The following KHDRBS2 variants were observed in gnomAD, a reference collection of about 807,000 sequenced individuals.
KHDRBS2 encodes KH RNA binding domain containing, signal transduction associated 2, also known as KH domain-containing, RNA-binding, signal transduction-associated protein 2.
Under a neutral mutation model 44.3 loss-of-function variants are expected in KHDRBS2, and 26 were observed. The ratio of observed to expected loss-of-function variants is 0.59; its 90% CI spans 0.43 to 0.81. KHDRBS2 has a LOEUF of 0.81. Ranked by LOEUF, KHDRBS2 falls within the 40% of genes least tolerant of loss-of-function variation. The pLI is 0.00. For missense variants in KHDRBS2, 476 were observed against 433.1 expected, an observed-to-expected ratio of 1.10 and a Z score of -0.88; for synonymous variants, 194 against 151.1, an observed-to-expected ratio of 1.28 and a Z score of -2.08.
intron 2 of KHDRBS2, among the ~76,000 whole-genome samples, chr6:62,070,886 C>T (rs1005777112): frequency 6.6e-6 from 1 of 152,076 alleles, no homozygotes; most frequent in Admixed American, 6.6e-5. Context: ...AATGGTATTT[C>T]TAGTTCTAGA....
rs575955633 is a variant in KHDRBS2 at position 61,867,737 on chromosome 6, T to C, written c.810+26898A>G. Among the ~76,000 whole-genome samples the C allele has an allele frequency of 7.0e-4, 107 of 152,200 alleles. 1 individual carries two copies. Among genetic ancestry groups the C allele is most frequent in the African/African-American group, 2.5e-3 (102 of 41,560 alleles). The stretch of plus-strand genomic sequence containing the variant: ...GTTTGCTGGCCATCTGCTCTAGACC[T>C]TAGTCACCGCAGCTTTTCCAGTACT... On this transcript the variant is annotated intron_variant, in intron 6 of 8. Coordinates refer to ENST00000281156, the MANE Select transcript of KHDRBS2 (RefSeq NM_152688.4).
intron 2 of KHDRBS2, among the ~76,000 whole-genome samples, chr6:62,102,390 A>G (rs1802105034): frequency 6.6e-6 from 1 of 152,194 alleles, no homozygotes; most frequent in Non-Finnish European, 1.5e-5. Context: ...TGCAGGCACC[A>G]GGCAATTCAA....
intron 2 of KHDRBS2, among the ~76,000 whole-genome samples, chr6:62,119,306 G>A (rs981558092): frequency 6.6e-6 from 1 of 152,168 alleles, no homozygotes; most frequent in African/African-American, 2.4e-5. Context: ...TCAACCATAT[G>A]TGGGTAACCA....
At chr6:61,941,647 C>T (rs551764430) in intron 4 of KHDRBS2, among the ~76,000 whole-genome samples, 49 of 152,072 alleles carry the variant, frequency 3.2e-4, no homozygotes, top group African/African-American at 1.1e-3. Context: ...AATCAGAGAC[C>T]GTGGATGCTG....
At chr6:62,115,878 C>T (rs1297121265) in intron 2 of KHDRBS2, among the ~76,000 whole-genome samples, 1 of 151,794 alleles carries the variant, frequency 6.6e-6, no homozygotes, top group African/African-American at 2.4e-5. Flanking sequence ...AAAAGAAAGG[C>T]CCAATATTAA....
intron 6 of KHDRBS2, among the ~76,000 whole-genome samples, chr6:61,796,391 C>T (rs539644722): frequency 1.1e-4 from 16 of 151,994 alleles, no homozygotes; most frequent in African/African-American, 3.4e-4. Flanking sequence ...TAGCATTCAA[C>T]ATATATCTTT....
intron 6 of KHDRBS2, among the ~76,000 whole-genome samples, chr6:61,737,123 A>G (rs1348766050): frequency 6.6e-6 from 1 of 152,136 alleles, no homozygotes; most frequent in Non-Finnish European, 1.5e-5. Flanking sequence ...TTCAAATGAT[A>G]AATATATAGA....
intron 3 of KHDRBS2, among the ~76,000 whole-genome samples, chr6:61,986,622 T>C (rs985974673): frequency 4.6e-5 from 7 of 152,200 alleles, no homozygotes; most frequent in African/African-American, 1.7e-4. Context: ...CAAAATACCA[T>C]AAACTGAGTG....
intron 2 of KHDRBS2, among the ~76,000 whole-genome samples, chr6:62,112,961 C>A (rs1356097935): frequency 1.3e-5 from 2 of 152,126 alleles, no homozygotes; most frequent in Non-Finnish European, 2.9e-5. Context: ...ACCTATCCAT[C>A]TTCTCACCCA....
At chr6:62,122,147 G>A (rs905256742) in intron 2 of KHDRBS2, among the ~76,000 whole-genome samples, 3 of 152,090 alleles carry the variant, frequency 2.0e-5, no homozygotes, top group Non-Finnish European at 4.4e-5. Flanking sequence ...CTGCCACTTG[G>A]GCCATATGAC....
chr6:61,848,506 T>TATATATATAC (rs1794828168), intron 6 of KHDRBS2, among the ~76,000 whole-genome samples: 2 of 53,878 alleles, frequency 3.7e-5, no homozygotes, highest in African/African-American at 1.1e-4. Flanking sequence ...TATATATATA[T>TATATATATAC]ATATGTATAT....
the KHDRBS2 span, among the ~76,000 whole-genome samples, chr6:61,628,020 T>C: frequency 6.6e-6 from 1 of 151,964 alleles, no homozygotes; most frequent in East Asian, 1.9e-4. Context: ...TTGACCTAAC[T>C]TGGTTTGTTA....
At chr6:61,949,447 A>G (rs1764287781) in intron 4 of KHDRBS2, among the ~76,000 whole-genome samples, 1 of 152,090 alleles carries the variant, frequency 6.6e-6, no homozygotes, top group African/African-American at 2.4e-5. Flanking sequence ...AATCAGTCTT[A>G]TCTTCAGCTA....
chr6:62,094,050 G>A (rs370788500), intron 2 of KHDRBS2, among the ~76,000 whole-genome samples: 2 of 151,740 alleles, frequency 1.3e-5, no homozygotes, highest in East Asian at 1.9e-4. Flanking sequence ...ACCCAGTAGC[G>A]GGATTGCTAG....
rs563908282 is a variant in KHDRBS2 at position 62,088,366 on chromosome 6, T to A, written c.220-40372A>T. On this transcript the variant is annotated intron_variant, in intron 2 of 8. Coordinates refer to ENST00000281156, the MANE Select transcript of KHDRBS2 (RefSeq NM_152688.4). ...CACCTTTTGTCTTTGCTGTTGGTGA[T>A]CTTCTGATGGAGTTTTTGCATGGTC... Among the ~76,000 whole-genome samples the A allele has an allele frequency of 5.0e-4, 76 of 152,278 alleles. 1 individual carries two copies. Among genetic ancestry groups the A allele is most frequent in the African/African-American group, 1.8e-3 (73 of 41,548 alleles).
the KHDRBS2 span, among the ~76,000 whole-genome samples, chr6:61,559,896 T>C: frequency 6.6e-6 from 1 of 152,212 alleles, no homozygotes; most frequent in South Asian, 2.1e-4. Flanking sequence ...GTGTTTACAG[T>C]TAACAGTGAA....
intron 1 of KHDRBS2, among the ~76,000 whole-genome samples, chr6:62,235,559 T>G (rs1372414508): frequency 6.6e-6 from 1 of 152,084 alleles, no homozygotes; most frequent in Non-Finnish European, 1.5e-5. Flanking sequence ...ATCTTGTGCT[T>G]TCTCACTGAA....
chr6:61,727,125 T>TAA (rs1711330134), intron 7 of KHDRBS2, among the ~76,000 whole-genome samples: 1 of 151,848 alleles, frequency 6.6e-6, no homozygotes, highest in Admixed American at 6.6e-5. Context: ...ACCACACACC[T>TAA]ACAACCATCT....
the KHDRBS2 span, among the ~76,000 whole-genome samples, chr6:61,550,597 A>T: frequency 2.6e-4 from 39 of 152,096 alleles, no homozygotes; most frequent in African/African-American, 9.2e-4. Flanking sequence ...TCAAATGGTA[A>T]TTCTGTTTTA....
Sources: gnomAD v4.1 joint callset for allele counts (sites outside exome capture counted in the v4.1 genomes callset) on GRCh38, gnomAD v4.1.1 for gene constraint, MANE v1.5 for transcripts, NCBI Gene and HGNC (gene_info 2026-07-23, HGNC 2026-07-21) for gene names.